SAMD5: variants seen among roughly 807,000 people sequenced by gnomAD.
The protein encoded by SAMD5 is sterile alpha motif domain-containing protein 5.
In SAMD5, 13 loss-of-function variants were observed where a neutral mutation model predicts 11.3. The observed-to-expected ratio is 1.15, with a 90% CI of 0.75 to 1.83. The LOEUF is 1.83. Ranked by LOEUF, SAMD5 falls within the 40% of genes most tolerant of loss-of-function variation. The probability of loss-of-function intolerance (pLI) is 0.00; values close to 1 mark genes in which losing one functional copy is unlikely to be tolerated. For synonymous variants in SAMD5, 129 were observed against 111.3 expected (o/e 1.16, Z -1.00); for missense variants, 255 against 239.1 (o/e 1.07, Z -0.44).
At chr6:147,525,503 A>T (rs1788323381) in intron 1 of SAMD5, among the ~76,000 whole-genome samples, 1 of 151,870 alleles carries the variant, frequency 6.6e-6, no homozygotes, top group Non-Finnish European at 1.5e-5. Context: ...AAACTCTATT[A>T]ATTGATATCC....
At chr6:147,825,790 C>T in the SAMD5 span, among the ~76,000 whole-genome samples, 1 of 152,210 alleles carries the variant, frequency 6.6e-6, no homozygotes, top group African/African-American at 2.4e-5. Flanking sequence ...TCTACTAGTA[C>T]TTCACATAGA....
At chr6:147,872,326 A>G in the SAMD5 span, among the ~76,000 whole-genome samples, 7 of 151,998 alleles carry the variant, frequency 4.6e-5, no homozygotes, top group East Asian at 1.4e-3. Context: ...TAAATCTCCT[A>G]GCCTCAAGAG....
intron 1 of SAMD5, among the ~76,000 whole-genome samples, chr6:147,556,316 T>A (rs1234113037): frequency 6.6e-6 from 1 of 152,196 alleles, no homozygotes; most frequent in Non-Finnish European, 1.5e-5. Flanking sequence ...ATGGTCTCGA[T>A]CTCCTGACCT....
intron 1 of SAMD5, among the ~76,000 whole-genome samples, chr6:147,680,460 C>T (rs1446937479): frequency 6.6e-6 from 1 of 152,072 alleles, no homozygotes; most frequent in Non-Finnish European, 1.5e-5. Flanking sequence ...AGGTGGACTG[C>T]GAATAATAAT....
the SAMD5 span, among the ~76,000 whole-genome samples, chr6:147,954,622 A>G: frequency 6.7e-6 from 1 of 148,660 alleles, no homozygotes; most frequent in African/African-American, 2.5e-5. Context: ...TGCCCTGTAC[A>G]TGTTTACCAT....
intron 1 of SAMD5, among the ~76,000 whole-genome samples, chr6:147,718,755 A>G (rs1791503213): frequency 6.6e-6 from 1 of 152,064 alleles, no homozygotes; most frequent in Non-Finnish European, 1.5e-5. Flanking sequence ...CAGTGGCACA[A>G]TCTTGGCTCA....
At chr6:147,520,538 A>G (rs1161536914) in intron 1 of SAMD5, among the ~76,000 whole-genome samples, 1 of 152,246 alleles carries the variant, frequency 6.6e-6, no homozygotes, top group Non-Finnish European at 1.5e-5. Context: ...GAGAACAGTG[A>G]AACAGATTGA....
In SAMD5 at chr6:147,605,563, A is replaced by G. The variant is rs567982958; in HGVS notation, c.162+96176A>G. Among the ~76,000 whole-genome samples the G allele has an allele frequency of 3.3e-5, 5 of 152,348 alleles. No individual in the cohort carries two copies. In the East Asian group the frequency reaches 7.7e-4, roughly 23 times the overall value. On this transcript the variant is annotated intron_variant, in intron 1 of 1. Transcript: ENST00000566741. ...AAGAAATACTTTTCCAGGTTTTTCT[A>G]TAAACAAAGCAATGTACAGAAAATA...
intron 1 of SAMD5, among the ~76,000 whole-genome samples, chr6:147,678,416 A>G (rs1790895035): frequency 6.6e-6 from 1 of 152,240 alleles, no homozygotes; most frequent in Non-Finnish European, 1.5e-5. Flanking sequence ...ATGCTTCATA[A>G]CAACCAACAA....
chr6:147,793,942 A>G, the SAMD5 span, among the ~76,000 whole-genome samples: 3 of 152,156 alleles, frequency 2.0e-5, no homozygotes, highest in African/African-American at 7.2e-5. Flanking sequence ...TGGTACCTGC[A>G]AGACAGCTTA....
the SAMD5 span, among the ~76,000 whole-genome samples, chr6:147,770,576 T>A: frequency 6.6e-6 from 1 of 152,234 alleles, no homozygotes; most frequent in Non-Finnish European, 1.5e-5. Context: ...TACAATTGTT[T>A]TGAAATACAA....
At chr6:147,692,768 G>C (rs1313231560) in intron 1 of SAMD5, among the ~76,000 whole-genome samples, 1 of 152,174 alleles carries the variant, frequency 6.6e-6, no homozygotes, top group African/African-American at 2.4e-5. Context: ...GGCCTTTTGC[G>C]ATTCTGATCC....
chr6:147,746,068 T>C, the SAMD5 span, among the ~76,000 whole-genome samples: 1 of 152,200 alleles, frequency 6.6e-6, no homozygotes, highest in African/African-American at 2.4e-5. Context: ...TATCTGAGCT[T>C]CATTTCGCCT....
chr6:147,665,423 TAA>T (rs760711454), intron 1 of SAMD5, among the ~76,000 whole-genome samples: 3 of 152,192 alleles, frequency 2.0e-5, no homozygotes, highest in Non-Finnish European at 4.4e-5. Context: ...CTGTACCTTA[TAA>T]AAATTGAGAT....
the SAMD5 span, among the ~76,000 whole-genome samples, chr6:147,872,874 A>G: frequency 6.6e-6 from 1 of 152,168 alleles, no homozygotes; most frequent in Non-Finnish European, 1.5e-5. Flanking sequence ...CTGCTCCCCA[A>G]CAAGTCCCAT....
chr6:147,740,813 C>T (rs536180133), downstream of SAMD5, among the ~76,000 whole-genome samples: 1 of 152,242 alleles, frequency 6.6e-6, no homozygotes, highest in Admixed American at 6.5e-5. Flanking sequence ...GTGACCCTCC[C>T]TGTCTATATG....
At chr6:147,899,799 C>T in the SAMD5 span, among the ~76,000 whole-genome samples, 13 of 152,290 alleles carry the variant, frequency 8.5e-5, no homozygotes, top group South Asian at 2.5e-3. Flanking sequence ...AGACCAAAGG[C>T]TTGTATTCCA....
the SAMD5 span, among the ~76,000 whole-genome samples, chr6:147,907,658 AG>A: frequency 6.6e-6 from 1 of 152,124 alleles, no homozygotes; most frequent in African/African-American, 2.4e-5. Flanking sequence ...AGGACCCCAC[AG>A]GGGTGGGAGG....
At position 147,704,739 on chromosome 6, in the gene SAMD5, A is replaced by T. The variant is rs551673923; in HGVS notation, c.163-32578A>T. Among the ~76,000 whole-genome samples, 11 of 152,338 alleles carry T rather than the reference A, an allele frequency of 7.2e-5. No individual in the cohort carries two copies. In the South Asian group the frequency reaches 2.1e-3, roughly 29 times the overall value. On this transcript the variant is annotated intron_variant, in intron 1 of 1. Coordinates refer to the SAMD5 transcript ENST00000566741. The stretch of plus-strand genomic sequence containing the variant: ...TTCAAAGGGTAGCTAACAAAGAGGA[A>T]AGGGAGCCTGTGTTTTTTAAAAAAT...
Sources: allele counts gnomAD v4.1 joint callset (sites outside exome capture counted in the v4.1 genomes callset), GRCh38; gene constraint gnomAD v4.1.1; transcripts MANE v1.5; gene names NCBI Gene and HGNC (gene_info 2026-07-23, HGNC 2026-07-21).